The following MYO1F variants were observed in gnomAD, a reference collection of about 807,000 sequenced individuals.
MYO1F encodes myosin IF.
In MYO1F, 60 loss-of-function variants were observed where a neutral mutation model predicts 146.6. The observed-to-expected ratio is 0.41, with a 90% confidence interval of 0.33 to 0.51. The LOEUF is 0.51. Ranked by LOEUF, MYO1F falls within the 20% of genes least tolerant of loss-of-function variation. The pLI is 0.25. For synonymous variants in MYO1F, 602 were observed against 602.1 expected, an observed-to-expected ratio of 1.00 and a Z score of 0.00; for missense variants, 1,274 against 1,534.3, an observed-to-expected ratio of 0.83 and a Z score of 2.83.
chr19:8,550,345 G>A lies in MYO1F; in HGVS notation c.916C>T (p.Pro306Ser), dbSNP rs774500152. The change falls in exon 10 of 28, where the codon CCC (proline) becomes TCC (serine). Residue 306 changes from proline (P) to serine (S), a missense_variant. Coordinates refer to ENST00000644032, the MANE Select transcript of MYO1F (RefSeq NM_012335.4). Reference sequence around the variant, plus strand: ...CTGTCAATGCCCAGCAGGTAGGCGGGAAAGGCCAGGACTACCAGGGCAAAG... The same window carrying A: ...CTGTCAATGCCCAGCAGGTAGGCGGAAAAGGCCAGGACTACCAGGGCAAAG... Reference protein sequence around the residue: ...RVESVDLLAFPAYLLGIDSGR... With the variant: ...RVESVDLLAFSAYLLGIDSGR... 5.6e-6 allele frequency: 9 copies of A among 1,611,890 alleles called. No homozygotes were observed. In the African/African-American group the frequency reaches 1.2e-4, roughly 22 times the overall value.
Position 8,527,349 on chromosome 19 carries a change from T to C in MYO1F, c.2463A>G (p.Gly821=). The C allele has an allele frequency of 6.2e-7, 1 of 1,613,918 alleles. No individual in the cohort carries two copies. The highest frequency in any genetic ancestry group is 1.1e-5 in the South Asian group (1 of 91,062). ...GGACCTGGCTTCACCTGAGGGAGACTCCCCGCAGAGCCTGGATGTCCACTT... is the reference window on the plus strand; with the variant it reads ...GGACCTGGCTTCACCTGAGGGAGACCCCCCGCAGAGCCTGGATGTCCACTT... The part of the protein sequence containing the change: ...KKKVDIQALR[G]VSLSTRQDDF... Residue 821 remains glycine, a synonymous_variant, in exon 22 of 28, where the codon GGA becomes GGG. Transcript: ENST00000644032.
intron 13 of MYO1F, chr19:8,545,325 G>A: frequency 2.8e-6 from 1 of 354,822 alleles, no homozygotes; most frequent in Non-Finnish European, 5.5e-6. Context: ...CTGACCTCAG[G>A]TGATCCGCCC....
rs1177260410 is a variant in MYO1F at position 8,522,366 on chromosome 19, G to A, written c.3220+11C>T. The A allele has an allele frequency of 1.9e-6, 3 of 1,613,872 alleles. No homozygotes were observed. The highest frequency in any genetic ancestry group is 2.5e-6 in the Non-Finnish European group (3 of 1,180,004). On this transcript the variant is annotated intron_variant, in intron 27 of 27. Coordinates refer to ENST00000644032, the MANE Select transcript of MYO1F (RefSeq NM_012335.4). Reference sequence around the variant, plus strand: ...CTCCCCTCACCCCAGCTTCTGCCCTGGTACACACACCTTCCATGAGGATCT... The same window carrying A: ...CTCCCCTCACCCCAGCTTCTGCCCTAGTACACACACCTTCCATGAGGATCT...
In MYO1F at chr19:8,545,810, C is replaced by T. The variant is rs183438805; in HGVS notation, c.1270-74G>A. The T allele has an allele frequency of 8.2e-5, 83 of 1,011,192 alleles. No homozygotes were observed. The African/African-American group carries it at 1.1e-3, about 13-fold the overall frequency. 62.6% of individuals were successfully genotyped at this position (1,011,192 alleles called of 1,614,324 possible). ...CCACCCTTCCCCCCATGTCCTCTCC[C>T]CTTCTCCATCTCATCACTTAGGACT... On this transcript the variant is annotated intron_variant, in intron 12 of 27. Coordinates refer to ENST00000644032, the MANE Select transcript of MYO1F (RefSeq NM_012335.4).
intron 14 of MYO1F, 116 bp downstream of exon 14, chr19:8,544,181 T>C (rs1973231467): frequency 1.8e-6 from 2 of 1,120,142 alleles, no homozygotes; most frequent in Admixed American, 3.6e-5. Context: ...TCTACAGCCC[T>C]GGATAAGGGT....
intron 14 of MYO1F, among the ~76,000 whole-genome samples, chr19:8,542,649 G>A (rs1034938495): frequency 6.6e-6 from 1 of 150,986 alleles, no homozygotes; most frequent in Non-Finnish European, 1.5e-5. Context: ...CACCCAGGCT[G>A]GAGTGCAATG....
At chr19:8,548,002 AGGAT>A in intron 12 of MYO1F, 30 bp downstream of exon 12, 19 of 506,510 alleles carry the variant, frequency 3.8e-5, no homozygotes, top group Admixed American at 7.1e-5. Flanking sequence ...CCCCCACCCC[AGGAT>A]CCCCCATCCC....
chr19:8,547,966 G>A, intron 12 of MYO1F, 70 bp downstream of exon 12: 1 of 1,489,904 alleles, frequency 6.7e-7, no homozygotes, highest in South Asian at 1.1e-5. Context: ...TAGTTGCTAA[G>A]GGATCCTCAT....
intron 19 of MYO1F, among the ~76,000 whole-genome samples, chr19:8,535,994 T>G (rs1479297396): frequency 6.6e-6 from 1 of 152,116 alleles, no homozygotes; most frequent in Non-Finnish European, 1.5e-5. Flanking sequence ...GCAGTCTTTC[T>G]TAATCTCTCG....
intron 1 of MYO1F, among the ~76,000 whole-genome samples, chr19:8,568,595 C>T (rs1353669657): frequency 1.3e-5 from 2 of 151,890 alleles, no homozygotes; most frequent in Admixed American, 6.6e-5. Flanking sequence ...GGGGAGGTCA[C>T]TTCTCTTCTC....
chr19:8,567,358 C>T (rs1425405247), intron 1 of MYO1F, among the ~76,000 whole-genome samples: 1 of 151,954 alleles, frequency 6.6e-6, no homozygotes, highest in South Asian at 2.1e-4. Flanking sequence ...AGCCACCGTG[C>T]CCGGCCCACT....
At chr19:8,551,999 T>C in intron 7 of MYO1F, 34 bp downstream of exon 7, 1 of 1,613,764 alleles carries the variant, frequency 6.2e-7, no homozygotes, top group Non-Finnish European at 8.5e-7. Flanking sequence ...GGGCTCCAGG[T>C]GGTGCTCCCT....
intron 19 of MYO1F, among the ~76,000 whole-genome samples, chr19:8,531,865 C>A (rs936237406): frequency 6.6e-6 from 1 of 152,146 alleles, no homozygotes; most frequent in African/African-American, 2.4e-5. Flanking sequence ...AGCCTGTAAT[C>A]CCAGCATTTT....
rs1369758470 is a variant in MYO1F, at chr19:8,526,428, C to T, written c.2770+25G>A. ...ACCAGCCTCGCTGGCCCCGCCCCCT[C>T]TGCCCTAGTTCCGCGCAGACTCACT... On this transcript the variant is annotated intron_variant, in intron 24 of 27. Coordinates refer to ENST00000644032, the MANE Select transcript of MYO1F (RefSeq NM_012335.4). 10 of 1,550,220 alleles carry T rather than the reference C, an allele frequency of 6.5e-6. No individual in the cohort carries two copies. The East Asian group carries it at 1.7e-4, about 26-fold the overall frequency.
At chr19:8,523,320 A>G (rs1341188255) in intron 25 of MYO1F, among the ~76,000 whole-genome samples, 4 of 152,036 alleles carry the variant, frequency 2.6e-5, no homozygotes, top group South Asian at 2.1e-4. Flanking sequence ...GGCATGAGCC[A>G]CCGCGCCTGG....
At chr19:8,572,245 C>G (rs900379237) in intron 1 of MYO1F, among the ~76,000 whole-genome samples, 1 of 145,898 alleles carries the variant, frequency 6.9e-6, no homozygotes, top group South Asian at 2.2e-4. Flanking sequence ...TACGTTCACT[C>G]TTTGCATCCA....
At chr19:8,527,243 G>T (rs1972308172) in intron 22 of MYO1F, 95 bp downstream of exon 22, 1 of 1,541,252 alleles carries the variant, frequency 6.5e-7, no homozygotes, top group African/African-American at 1.4e-5. Flanking sequence ...ATGGCACCAG[G>T]TAAGATTGTC....
intron 13 of MYO1F, among the ~76,000 whole-genome samples, chr19:8,544,701 G>A (rs913670070): frequency 1.3e-5 from 2 of 152,044 alleles, no homozygotes; most frequent in South Asian, 2.1e-4. Context: ...TCGCTGAGGT[G>A]CAGAAGTGGG....
Position 8,521,168 on chromosome 19 carries a change from T to A in MYO1F, c.*360A>T, listed in dbSNP as rs776289673. Reference sequence around the variant, plus strand: ...ATGACAGAATGAGCAAAGTCACGCTTGTTAAGGACCCCCCCCTCCCCAACT... The same window carrying A: ...ATGACAGAATGAGCAAAGTCACGCTAGTTAAGGACCCCCCCCTCCCCAACT... On this transcript the variant is annotated 3_prime_UTR_variant, in exon 28 of 28. Transcript: ENST00000644032. The A allele has an allele frequency of 5.5e-6, 2 of 364,692 alleles. No homozygotes were observed. The highest frequency in any genetic ancestry group is 1.1e-5 in the Non-Finnish European group (2 of 189,000). 22.6% of individuals were successfully genotyped at this position (364,692 alleles called of 1,614,324 possible).
Sources: allele counts gnomAD v4.1 joint callset (sites outside exome capture counted in the v4.1 genomes callset), GRCh38; gene constraint gnomAD v4.1.1; transcripts MANE v1.5; gene names NCBI Gene and HGNC (gene_info 2026-07-23, HGNC 2026-07-21).